The following TSPAN10 variants were observed in gnomAD, a reference collection of about 807,000 sequenced individuals.
TSPAN10 encodes tetraspanin-10.
TSPAN10 carries 11 observed loss-of-function variants against 15.0 expected under a neutral mutation model. That is an observed-to-expected ratio of 0.73 (90% CI 0.46 to 1.21). The LOEUF is 1.21. Ranked by LOEUF, TSPAN10 falls within the 50% of genes most tolerant of loss-of-function variation. TSPAN10 has a pLI of 0.00. For synonymous variants in TSPAN10, 241 were observed against 226.2 expected, an observed-to-expected ratio of 1.07 and a Z score of -0.59; for missense variants, 486 against 470.6, an observed-to-expected ratio of 1.03 and a Z score of -0.30.
intron 1 of TSPAN10, 130 bp from the exon 3 acceptor site, chr17:81,644,862 T>C: frequency 7.6e-7 from 1 of 1,318,198 alleles, no homozygotes. Context: ...TGAGCTCCAG[T>C]GCTGCCCTCC....
rs372949890 is a variant in TSPAN10, at chr17:81,645,379, G to A, written c.424G>A (p.Ala142Thr). 35 of 1,597,154 alleles carry A rather than the reference G, an allele frequency of 2.2e-5. No homozygotes were observed. The highest frequency in any genetic ancestry group is 9.4e-5 in the African/African-American group (7 of 74,604). The change falls in exon 2 of 3, where the codon GCC becomes ACC. Residue 142 changes from alanine (A) to threonine (T), a missense_variant. Transcript: ENST00000611590. ...AGTGAGCCTGGCTGGCTACCTGGGCGCCCTCTGTGAGAACACCTGCCTGTT... is the reference window on the plus strand; with the variant it reads ...AGTGAGCCTGGCTGGCTACCTGGGCACCCTCTGTGAGAACACCTGCCTGTT...
intron 2 of TSPAN10, among the ~76,000 whole-genome samples, chr17:81,646,905 C>G (rs891046717): frequency 6.6e-6 from 1 of 151,602 alleles, no homozygotes; most frequent in Admixed American, 6.6e-5. Context: ...AGTGCAGTGG[C>G]TCGATCTCGG....
At chr17:81,645,673 C>T in intron 2 of TSPAN10, 44 bp downstream of exon 3, 1 of 1,603,596 alleles carries the variant, frequency 6.2e-7, no homozygotes, top group Non-Finnish European at 8.5e-7. Flanking sequence ...CACAGGGTCG[C>T]AGAGGCCACA....
downstream of TSPAN10, chr17:81,648,492 C>T (rs1169936722): frequency 3.2e-5 from 15 of 466,828 alleles, no homozygotes; most frequent in Admixed American, 9.8e-5. Context: ...GGGCGCCCGG[C>T]GAAGCCACGG....
At chr17:81,639,158 C>T (rs1028282417), upstream of TSPAN10, 6 of 148,046 alleles carry the variant, frequency 4.1e-5, no homozygotes, top group African/African-American at 1.2e-4. Context: ...GAAAATATAA[C>T]ATAACAAAAT....
chr17:81,642,293 T>C (rs2036185117), upstream of TSPAN10: 1 of 1,178,776 alleles, frequency 8.5e-7, no homozygotes. Context: ...TGCCCAGGGC[T>C]GCACTGTTCA....
exon 2 of TSPAN10, chr17:81,645,333 GGGA>G: frequency 3.2e-6 from 5 of 1,565,524 alleles, no homozygotes; most frequent in Non-Finnish European, 4.3e-6. Flanking sequence ...GGCTGGCACT[GGGA>G]GGGCTGGTGG....
chr17:81,647,424 T>C (rs759652513), intron 2 of TSPAN10: 4 of 458,698 alleles, frequency 8.7e-6, no homozygotes, highest in South Asian at 6.2e-5. Flanking sequence ...CCCTGGGAGC[T>C]CCTCCCCCAC....
exon 2 of TSPAN10, chr17:81,645,343 G>T: frequency 6.4e-7 from 1 of 1,574,262 alleles, no homozygotes. Flanking sequence ...GGGAGGGCTG[G>T]TGGTCAGCGC....
rs1598710571 is a variant in TSPAN10 at position 81,644,846 on chromosome 17, C to T, written c.37-146C>T. 18 of 1,180,466 alleles carry T rather than the reference C, an allele frequency of 1.5e-5. No individual in the cohort carries two copies. In the East Asian group the frequency reaches 4.9e-4, roughly 32 times the overall value. The allele number at this position is 1,180,466 out of a possible 1,614,324, so 73.1% of individuals were successfully genotyped here. A position where few individuals can be genotyped will look rare whatever the true frequency, so the allele number is the denominator to read the frequency against. ...AGGGCCCCCTGCCCCTGGCTGTCCG[C>T]ATCTCTGAGCTCCAGTGCTGCCCTC... On this transcript the variant is annotated intron_variant, in intron 1 of 2. Transcript: ENST00000611590.
At chr17:81,644,385 C>T (rs2036214951) in intron 1 of TSPAN10, among the ~76,000 whole-genome samples, 2 of 42,572 alleles carry the variant, frequency 4.7e-5, no homozygotes, top group Non-Finnish European at 7.6e-5. Context: ...GCAGCAGGGT[C>T]CAGTGCCGTG....
intron 1 of TSPAN10, among the ~76,000 whole-genome samples, chr17:81,643,811 T>G (rs1174564316): frequency 6.6e-6 from 1 of 151,650 alleles, no homozygotes; most frequent in Non-Finnish European, 1.5e-5. Flanking sequence ...CAGCCATGGC[T>G]GCTTTTTATT....
upstream of TSPAN10, among the ~76,000 whole-genome samples, chr17:81,640,598 G>A (rs1056073028): frequency 1.3e-5 from 2 of 152,112 alleles, no homozygotes; most frequent in South Asian, 4.2e-4. Flanking sequence ...ACAGGCATGC[G>A]CCACGATGCC....
exon 2 of TSPAN10, chr17:81,645,216 C>T (rs1427878507): frequency 6.5e-7 from 1 of 1,542,976 alleles, no homozygotes; most frequent in South Asian, 1.3e-5. Context: ...ACTTCCCCTT[C>T]TCCCTGCTGG....
At chr17:81,639,872 C>T (rs907394011), upstream of TSPAN10, among the ~76,000 whole-genome samples, 1 of 151,646 alleles carries the variant, frequency 6.6e-6, no homozygotes, top group Non-Finnish European at 1.5e-5. Context: ...CCCAGCTACT[C>T]GGGAGGCTGA....
chr17:81,645,049 G>A, exon 2 of TSPAN10: 2 of 1,593,186 alleles, frequency 1.3e-6, no homozygotes, highest in Non-Finnish European at 1.7e-6. Context: ...AGGCTGCCTA[G>A]GTCCAGTGCC....
In TSPAN10 at chr17:81,648,037, CAG is replaced by C. The variant is rs778503595; in HGVS notation, c.816_817del (p.Arg272SerfsTer?). On this transcript the variant is annotated frameshift_variant, in exon 3 of 3. Transcript: ENST00000611590. LOFTEE classifies it low-confidence loss of function (END_TRUNC). ...CCTGCGCCTGGATGCGGACGCAGCTCAGAGAGTGGTGTACCTGGAGGGCTGCG... is the reference window on the plus strand; with the variant it reads ...CCTGCGCCTGGATGCGGACGCAGCTCAGAGTGGTGTACCTGGAGGGCTGCG... 4 of 1,599,524 alleles carry C rather than the reference CAG, an allele frequency of 2.5e-6. No individual in the cohort carries two copies. The highest frequency in any genetic ancestry group is 3.4e-6 in the Non-Finnish European group (4 of 1,175,470).
In TSPAN10 at chr17:81,646,251, G is replaced by T. The variant is rs111322465; in HGVS notation, c.674+622G>T. 8.3e-3 allele frequency: 1,284 copies of T among 154,520 alleles called. 27 individuals are homozygous for T. The highest frequency in any genetic ancestry group is 0.03 in the African/African-American group (1,234 of 41,536). The allele number at this position is 154,520 out of a possible 1,614,324, so 9.6% of individuals were successfully genotyped here. On this transcript the variant is annotated intron_variant, in intron 2 of 2. Coordinates refer to ENST00000611590, the Ensembl canonical transcript of TSPAN10. ...TACTAAAAATACAAAAATTAGCCAG[G>T]CATGGTGGCAGGCACCTGTAATCCC...
rs201722214 is a variant in TSPAN10, at chr17:81,647,992, G to C, written c.766G>C (p.Asp256His). 1,777 of 1,611,200 alleles carry C rather than the reference G, an allele frequency of 1.1e-3. 20 individuals carry two copies. The highest frequency in any genetic ancestry group is 0.011 in the South Asian group (970 of 90,794). The change falls in exon 3 of 3, where the codon GAC becomes CAC. Residue 256 changes from aspartate (D) to histidine (H), a missense_variant. Transcript: ENST00000611590. ...CCGCGAAGATGGAGCCTCTGTCAAC[G>C]ACCAGTGCGGCTTCGGGGTCCTGCG... is the stretch of plus-strand genomic sequence containing the variant.
Sources: allele counts gnomAD v4.1 joint callset (sites outside exome capture counted in the v4.1 genomes callset), GRCh38; gene constraint gnomAD v4.1.1; transcripts MANE v1.5; gene names NCBI Gene and HGNC (gene_info 2026-07-23, HGNC 2026-07-21).